DCTN4: variants seen among roughly 807,000 people sequenced by gnomAD.
DCTN4 encodes dynactin subunit 4, also known as dynactin 4 (p62).
Under a neutral mutation model 62.7 loss-of-function variants are expected in DCTN4, and 23 were observed. The observed-to-expected ratio is 0.37, with a 90% CI of 0.26 to 0.52. The LOEUF (loss-of-function observed/expected upper bound fraction) is 0.52, where lower values mean the gene tolerates loss of function less well. Among genes scored for constraint, DCTN4 ranks in the 20% least tolerant of loss-of-function variants. The pLI is 0.92. For missense variants in DCTN4, 514 were observed against 580.4 expected (o/e 0.89, Z 1.18); for synonymous variants, 199 against 202.1 (o/e 0.98, Z 0.13).
intron 3 of DCTN4, among the ~76,000 whole-genome samples, chr5:150,743,798 A>G (rs1379889714): frequency 6.6e-6 from 1 of 152,166 alleles, no homozygotes; most frequent in Non-Finnish European, 1.5e-5. Flanking sequence ...GTACATCACC[A>G]TCATCAAAGA....
chr5:150,741,621 T>C lies in DCTN4; in HGVS notation c.429+493A>G, dbSNP rs182745600. ...TCAGCCTCCTGAGTTGCTGGGACTA[T>C]AGGCATGCGCCACCACACTCAGCTG... On this transcript the variant is annotated intron_variant, in intron 4 of 12. Transcript: ENST00000447998. Among the ~76,000 whole-genome samples, 549 of 152,244 alleles carry C rather than the reference T, an allele frequency of 3.6e-3. 3 individuals are homozygous for C. The highest frequency in any genetic ancestry group is 0.013 in the African/African-American group (525 of 41,534).
intron 8 of DCTN4, among the ~76,000 whole-genome samples, chr5:150,724,254 G>A (rs908506538): frequency 6.6e-6 from 1 of 151,500 alleles, no homozygotes; most frequent in Non-Finnish European, 1.5e-5. Flanking sequence ...CATATTTATT[G>A]GCTATTGGGA....
chr5:150,756,927 G>A (rs530795070), intron 1 of DCTN4, among the ~76,000 whole-genome samples: 1 of 152,240 alleles, frequency 6.6e-6, no homozygotes, highest in Admixed American at 6.5e-5. Context: ...CATTATTGAA[G>A]TAATACAGGT....
At chr5:150,758,806 T>A in intron 1 of DCTN4, 53 bp downstream of exon 1, 1 of 1,601,544 alleles carries the variant, frequency 6.2e-7, no homozygotes, top group Non-Finnish European at 8.5e-7. Context: ...GTGACTAGCA[T>A]GAACGCCGCG....
intron 4 of DCTN4, among the ~76,000 whole-genome samples, chr5:150,739,823 G>A (rs1421307650): frequency 6.6e-6 from 1 of 152,156 alleles, no homozygotes; most frequent in African/African-American, 2.4e-5. Flanking sequence ...AACATAAACT[G>A]GGGAAAGGAC....
intron 4 of DCTN4, among the ~76,000 whole-genome samples, chr5:150,739,981 GA>G (rs1760712603): frequency 2.0e-5 from 3 of 152,112 alleles, no homozygotes; most frequent in Admixed American, 2.0e-4. Flanking sequence ...AATTCTAGAA[GA>G]TAACATGAGA....
chr5:150,756,461 A>G lies in DCTN4; in HGVS notation c.162T>C (p.Cys54=). The part of the protein sequence containing the change: ...HEVDSHYCPS[C]LENMPSAEAK... ...CTTCAGCCGATGGCATATTTTCTAA[A>G]CAACTGGGACAATAATGGGAGTCCA... is the stretch of plus-strand genomic sequence containing the variant. Residue 54 remains cysteine, a synonymous_variant, in exon 2 of 13, where the codon TGT becomes TGC. Coordinates refer to ENST00000447998, the MANE Select transcript of DCTN4 (RefSeq NM_016221.4). 6.2e-7 allele frequency: 1 copy of G among 1,605,048 alleles called. No individual in the cohort carries two copies. The highest frequency in any genetic ancestry group is 8.5e-7 in the Non-Finnish European group (1 of 1,176,414).
intron 8 of DCTN4, among the ~76,000 whole-genome samples, chr5:150,728,916 C>T (rs1372244760): frequency 6.6e-6 from 1 of 151,358 alleles, no homozygotes; most frequent in African/African-American, 2.4e-5. Flanking sequence ...CTTGCTTCGT[C>T]ACCCAGGCTG....
At position 150,718,353 on chromosome 5, in the gene DCTN4, G is replaced by T; in HGVS notation, c.994C>A (p.Pro332Thr). ...GTCACATGGGTGAGGTTCTCAACTG[G>T]ATTTGTAAGAGTCAGGAGGACCTGG... Reference protein sequence around the residue: ...ESQVLLTLTNPVENLTHVTLF... With the variant: ...ESQVLLTLTNTVENLTHVTLF... The change falls in exon 11 of 13, where the codon CCA (proline) becomes ACA (threonine). Residue 332 changes from proline (P) to threonine (T), a missense_variant. By Grantham distance (38) the Pro-to-Thr change is conservative (BLOSUM62 -1). Transcript: ENST00000447998. The T allele has an allele frequency of 6.2e-7, 1 of 1,614,028 alleles. No homozygotes were observed. Among genetic ancestry groups the T allele is most frequent in the Non-Finnish European group, 8.5e-7 (1 of 1,179,926 alleles).
chr5:150,711,893 C>CT (rs1248403607), intron 12 of DCTN4, among the ~76,000 whole-genome samples: 4 of 151,904 alleles, frequency 2.6e-5, no homozygotes, highest in South Asian at 4.2e-4. Flanking sequence ...CCATAACTTG[C>CT]TTTTTTTTAA....
chr5:150,720,665 A>G (rs2113016604), intron 9 of DCTN4, among the ~76,000 whole-genome samples: 1 of 152,114 alleles, frequency 6.6e-6, no homozygotes, highest in Middle Eastern at 3.4e-3. Flanking sequence ...TTTTGTACAG[A>G]TGAGGACTCA....
rs914436926 is a variant in DCTN4 at position 150,709,530 on chromosome 5, C to G, written c.*1619G>C. The G allele has an allele frequency of 2.0e-5, 3 of 152,316 alleles. No individual in the cohort carries two copies. Among genetic ancestry groups the G allele is most frequent in the Non-Finnish European group, 4.4e-5 (3 of 68,044 alleles). 9.4% of individuals were successfully genotyped at this position (152,316 alleles called of 1,614,324 possible). The stretch of plus-strand genomic sequence containing the variant: ...AGTCTGCAAATCTGTAATTACCCAT[C>G]CCCCTGCTCCAACTCCTAAGAGGCT... On this transcript the variant is annotated 3_prime_UTR_variant, in exon 13 of 13. Coordinates refer to ENST00000447998, the MANE Select transcript of DCTN4 (RefSeq NM_016221.4).
At chr5:150,748,547 A>T (rs1463050360) in intron 3 of DCTN4, among the ~76,000 whole-genome samples, 1 of 149,866 alleles carries the variant, frequency 6.7e-6, no homozygotes, top group African/African-American at 2.4e-5. Flanking sequence ...CAAATGTCCA[A>T]CAATGATAGA....
chr5:150,731,751 C>T lies in DCTN4; in HGVS notation c.538-262G>A, dbSNP rs1454872141. On this transcript the variant is annotated intron_variant, in intron 5 of 12. Coordinates refer to ENST00000447998, the MANE Select transcript of DCTN4 (RefSeq NM_016221.4). ...CCAAATGTGAGCTTCTGCTAGTAAT[C>T]TAAAAGTATCTAAGCTACGGCTCAG... is the stretch of plus-strand genomic sequence containing the variant. The T allele has an allele frequency of 8.5e-6, 7 of 824,888 alleles. No individual in the cohort carries two copies. In the East Asian group the frequency reaches 1.9e-4, roughly 22 times the overall value. The allele number at this position is 824,888 out of a possible 1,614,324, so 51.1% of individuals were successfully genotyped here. A position where few individuals can be genotyped will look rare whatever the true frequency, so the allele number is the denominator to read the frequency against.
At chr5:150,743,368 C>G (rs981206340) in intron 3 of DCTN4, among the ~76,000 whole-genome samples, 1 of 152,226 alleles carries the variant, frequency 6.6e-6, no homozygotes, top group African/African-American at 2.4e-5. Flanking sequence ...CCTCTCGGGG[C>G]AGGGCACAGA....
At chr5:150,713,247 G>A (rs1759633631) in intron 12 of DCTN4, among the ~76,000 whole-genome samples, 1 of 151,890 alleles carries the variant, frequency 6.6e-6, no homozygotes, top group Non-Finnish European at 1.5e-5. Flanking sequence ...CTGATACCTG[G>A]GAAGCTTTTC....
Position 150,710,099 on chromosome 5 carries a change from G to A in DCTN4, c.*1050C>T, listed in dbSNP as rs1759504852. ...TGACAAAAGTCTTAAACTTAGTAAGGGGGAAAGTTCTTAATATCCAGTTTT... is the reference window on the plus strand; with the variant it reads ...TGACAAAAGTCTTAAACTTAGTAAGAGGGAAAGTTCTTAATATCCAGTTTT... On this transcript the variant is annotated 3_prime_UTR_variant, in exon 13 of 13. Coordinates refer to ENST00000447998, the MANE Select transcript of DCTN4 (RefSeq NM_016221.4). The A allele has an allele frequency of 6.6e-6, 1 of 152,298 alleles. No homozygotes were observed. The highest frequency in any genetic ancestry group is 1.5e-5 in the Non-Finnish European group (1 of 68,032). 9.4% of individuals were successfully genotyped at this position (152,298 alleles called of 1,614,324 possible). A position where few individuals can be genotyped will look rare whatever the true frequency, so the allele number is the denominator to read the frequency against.
At chr5:150,719,883 GA>G (rs947959968) in intron 9 of DCTN4, 113 bp from the exon 10 acceptor site, 16 of 652,712 alleles carry the variant, frequency 2.5e-5, no homozygotes, top group Middle Eastern at 4.2e-4. Context: ...GAATGTATCA[GA>G]AAAAAAATAA....
intron 9 of DCTN4, 79 bp downstream of exon 9, chr5:150,722,828 C>A: frequency 5.9e-6 from 6 of 1,015,318 alleles, no homozygotes; most frequent in East Asian, 2.7e-5. Flanking sequence ...CAAGAGTAAA[C>A]ACACTTCATA....
Sources: gnomAD v4.1 joint callset for allele counts (sites outside exome capture counted in the v4.1 genomes callset) on GRCh38, gnomAD v4.1.1 for gene constraint, MANE v1.5 for transcripts, NCBI Gene and HGNC (gene_info 2026-07-23, HGNC 2026-07-21) for gene names.